ZNF251: variants seen among roughly 807,000 people sequenced by gnomAD.
ZNF251 encodes the protein zinc finger protein 251.
ZNF251 carries 14 observed loss-of-function variants against 13.5 expected under a neutral mutation model. The observed-to-expected ratio is 1.04, with a 90% CI of 0.69 to 1.63. The LOEUF (loss-of-function observed/expected upper bound fraction) is 1.63, where lower values mean the gene tolerates loss of function less well. ZNF251 is among the 40% of genes most tolerant of loss of function. The probability of loss-of-function intolerance (pLI) is 0.00; values close to 1 mark genes in which losing one functional copy is unlikely to be tolerated. For missense variants in ZNF251, 764 were observed against 834.9 expected (o/e 0.92, Z 1.05); for synonymous variants, 287 against 295.2 (o/e 0.97, Z 0.28).
intron 4 of ZNF251, among the ~76,000 whole-genome samples, chr8:144,729,758 G>A (rs1468255049): frequency 2.0e-5 from 3 of 152,108 alleles, no homozygotes; most frequent in African/African-American, 7.2e-5. Flanking sequence ...CACTTTGGGA[G>A]GCTGAAATGA....
At position 144,749,601 on chromosome 8, in the gene ZNF251, C is replaced by T. The variant is rs574974430; in HGVS notation, c.277+4082G>A. 1.2e-4 allele frequency among the ~76,000 whole-genome samples: 19 copies of T among 152,306 alleles called. No individual in the cohort carries two copies. In the East Asian group the frequency reaches 3.5e-3, roughly 28 times the overall value. On this transcript the variant is annotated intron_variant, in intron 4 of 4. Coordinates refer to ENST00000292562, the MANE Select transcript of ZNF251 (RefSeq NM_138367.2). ...GTTCTTCATTCCTATTTCTGTTTTCCATACTCTTCTACCTTTTGTGGGTTT... is the reference window on the plus strand; with the variant it reads ...GTTCTTCATTCCTATTTCTGTTTTCTATACTCTTCTACCTTTTGTGGGTTT...
chr8:144,755,005 G>A (rs1824891734), intron 1 of ZNF251: 2 of 1,388,188 alleles, frequency 1.4e-6, no homozygotes, highest in South Asian at 3.4e-5. Flanking sequence ...ATCCAGGGAC[G>A]CCCGGCTAAG....
chr8:144,741,100 C>A (rs2130015679), intron 4 of ZNF251, among the ~76,000 whole-genome samples: 1 of 152,314 alleles, frequency 6.6e-6, no homozygotes, highest in Middle Eastern at 3.4e-3. Flanking sequence ...CCGGAAGGAG[C>A]CACAGAAAAG....
chr8:144,723,042 C>CTCTCCTGTT lies in ZNF251; in HGVS notation c.609_617dup (p.Thr204_Glu206dup). On this transcript the variant is annotated inframe_insertion, in exon 5 of 5. Coordinates refer to ENST00000292562, the MANE Select transcript of ZNF251 (RefSeq NM_138367.2). ...TGCATATATCACATTTAAAGACCCT[C>CTCTCCTGTT]TCTCCTGTTTTATTTCTTTGAAGTC... 1 of 1,614,036 alleles carries CTCTCCTGTT rather than the reference C, an allele frequency of 6.2e-7. No individual in the cohort carries two copies. The highest frequency in any genetic ancestry group is 8.5e-7 in the Non-Finnish European group (1 of 1,179,896).
chr8:144,722,403 A>G lies in ZNF251; in HGVS notation c.1257T>C (p.His419=). The G allele has an allele frequency of 6.2e-7, 1 of 1,613,986 alleles. No homozygotes were observed. Among genetic ancestry groups the G allele is most frequent in the South Asian group, 1.1e-5 (1 of 91,068 alleles). Residue 419 remains histidine, a synonymous_variant, in exon 5 of 5, where the codon CAT becomes CAC. Coordinates refer to ENST00000292562, the MANE Select transcript of ZNF251 (RefSeq NM_138367.2). This position sits in a 1 kb window ranked among gnomAD's most constrained non-coding sequence, Gnocchi z 4.8. The part of the protein sequence containing the change: ...ECGRAFGFNS[H]LTEHVRIHTG... Reference sequence around the variant, plus strand: ...TGTGAATCCTTACGTGTTCAGTAAGATGAGAGTTAAAACCAAAGGCTCTGC... The same window carrying G: ...TGTGAATCCTTACGTGTTCAGTAAGGTGAGAGTTAAAACCAAAGGCTCTGC...
chr8:144,744,627 C>T (rs540225550), intron 4 of ZNF251, among the ~76,000 whole-genome samples: 1 of 152,234 alleles, frequency 6.6e-6, no homozygotes, highest in South Asian at 2.1e-4. Flanking sequence ...GAAGAGATAC[C>T]AGAGAACTTG....
chr8:144,752,288 A>G (rs576058277), intron 4 of ZNF251, among the ~76,000 whole-genome samples: 2 of 152,318 alleles, frequency 1.3e-5, no homozygotes, highest in Admixed American at 6.5e-5. Flanking sequence ...GAGAGACCAC[A>G]TTTGGGGTCA....
chr8:144,737,837 C>CAAA lies in ZNF251; in HGVS notation c.278-14458_278-14456dup, dbSNP rs56856212. 7.6e-3 allele frequency among the ~76,000 whole-genome samples: 394 copies of CAAA among 52,006 alleles called. 5 individuals carry two copies. The highest frequency in any genetic ancestry group is 9.9e-3 in the South Asian group (11 of 1,112). The allele number at this position is 52,006 out of a possible 152,430, so 34.1% of individuals were successfully genotyped here. A position where few individuals can be genotyped will look rare whatever the true frequency, so the allele number is the denominator to read the frequency against. The stretch of plus-strand genomic sequence containing the variant: ...TGGGCAACAGAGCGAGACTCTGTCT[C>CAAA]AAAAAAAAAAAAAAAAAAAAAAAAA... On this transcript the variant is annotated intron_variant, in intron 4 of 4. Transcript: ENST00000292562.
chr8:144,736,216 C>T (rs1823886220), intron 4 of ZNF251, among the ~76,000 whole-genome samples: 1 of 152,046 alleles, frequency 6.6e-6, no homozygotes, highest in Admixed American at 6.6e-5. Flanking sequence ...CCTCCTTTCC[C>T]GACTTGAGAG....
rs755563680 is a variant in ZNF251 at position 144,722,317 on chromosome 8, A to C, written c.1343T>G (p.Leu448Arg). The C allele has an allele frequency of 6.2e-7, 1 of 1,613,972 alleles. No homozygotes were observed. The highest frequency in any genetic ancestry group is 8.5e-7 in the Non-Finnish European group (1 of 1,179,826). ...CGKAFRRSST[L>R]VQHRRVHTGE... ...AGTGTGAACTCTTCGATGCTGAACA[A>C]GAGTGGAACTCCGACGAAAGGCTTT... Residue 448 changes from leucine to arginine, a missense_variant, in exon 5 of 5, where the codon CTT (leucine) becomes CGT (arginine). Transcript: ENST00000292562. This position sits in a 1 kb window ranked among gnomAD's most constrained non-coding sequence, Gnocchi z 4.8.
intron 4 of ZNF251, among the ~76,000 whole-genome samples, chr8:144,729,498 G>A (rs1488620547): frequency 2.6e-5 from 4 of 151,474 alleles, no homozygotes; most frequent in Non-Finnish European, 5.9e-5. Context: ...CACCACGCCC[G>A]GCTAATTTTT....
intron 4 of ZNF251, among the ~76,000 whole-genome samples, chr8:144,733,895 A>G (rs1823800092): frequency 6.6e-6 from 1 of 152,256 alleles, no homozygotes; most frequent in African/African-American, 2.4e-5. Flanking sequence ...GAGCGCACCC[A>G]TGCTTAGCAT....
rs1237796368 is a variant in ZNF251 at position 144,754,739 on chromosome 8, T to C, written c.-11A>G. 8 of 1,611,860 alleles carry C rather than the reference T, an allele frequency of 5.0e-6. No homozygotes were observed. The highest frequency in any genetic ancestry group is 5.9e-6 in the Non-Finnish European group (7 of 1,179,132). On this transcript the variant is annotated 5_prime_UTR_variant, in exon 2 of 5. An upstream start codon of the reference 5' UTR is lost. Coordinates refer to ENST00000292562, the MANE Select transcript of ZNF251 (RefSeq NM_138367.2). ...GAATGTGGCTGCCATTCTGTGTGCA[T>C]GGGCTGCTGTGGTTTCCAAGAGAAG...
At chr8:144,743,145 A>G (rs570724803) in intron 4 of ZNF251, among the ~76,000 whole-genome samples, 31 of 152,034 alleles carry the variant, frequency 2.0e-4, no homozygotes, top group African/African-American at 7.5e-4. Context: ...CTCACTGCAA[A>G]CTCCGCCTCC....
intron 4 of ZNF251, among the ~76,000 whole-genome samples, chr8:144,723,883 TGACA>T (rs2129924167): frequency 6.6e-6 from 1 of 152,190 alleles, no homozygotes; most frequent in South Asian, 2.1e-4. Context: ...AAGTTAGCAG[TGACA>T]GACAGGAAGG....
intron 4 of ZNF251, among the ~76,000 whole-genome samples, chr8:144,740,242 G>A (rs1378334064): frequency 1.3e-5 from 2 of 151,882 alleles, no homozygotes; most frequent in Non-Finnish European, 2.9e-5. Flanking sequence ...CCGAGATCGC[G>A]CCATTGCACT....
At chr8:144,726,058 G>A (rs538312596) in intron 4 of ZNF251, among the ~76,000 whole-genome samples, 1 of 151,980 alleles carries the variant, frequency 6.6e-6, no homozygotes, top group African/African-American at 2.4e-5. Flanking sequence ...TTAGCTGGGT[G>A]TGATGATCCT....
chr8:144,742,476 C>CA (rs987843821), intron 4 of ZNF251, among the ~76,000 whole-genome samples: 2 of 151,708 alleles, frequency 1.3e-5, no homozygotes, highest in Non-Finnish European at 1.5e-5. Context: ...CCCCACCCCC[C>CA]ACACACCTCC....
intron 4 of ZNF251, among the ~76,000 whole-genome samples, chr8:144,725,375 T>G (rs542294714): frequency 1.3e-5 from 2 of 152,052 alleles, no homozygotes; most frequent in South Asian, 2.1e-4. Context: ...ACTGCAGCCT[T>G]GAACTCTTGG....
Sources: gnomAD v4.1 joint callset for allele counts (sites outside exome capture counted in the v4.1 genomes callset) on GRCh38, gnomAD v4.1.1 for gene constraint, Gnocchi (gnomAD v3.1) non-coding constraint, MANE v1.5 for transcripts, NCBI Gene and HGNC (gene_info 2026-07-23, HGNC 2026-07-21) for gene names.